The following RPS3 variants were observed in gnomAD, a reference collection of about 807,000 sequenced individuals.
RPS3 encodes the protein ribosomal protein S3.
RPS3 carries 2 observed loss-of-function variants against 25.8 expected under a neutral mutation model. The ratio of observed to expected loss-of-function variants is 0.08; its 90% CI spans 0.03 to 0.24. RPS3 has a LOEUF of 0.24. Ranked by LOEUF, RPS3 falls within the 10% of genes least tolerant of loss-of-function variation. The pLI is 1.00. For missense variants in RPS3, 107 were observed against 307.1 expected (o/e 0.35, Z 4.87); for synonymous variants, 114 against 114.2 (o/e 1.00, Z 0.01).
chr11:75,407,809 C>A (rs1948304138), downstream of RPS3, among the ~76,000 whole-genome samples: 1 of 152,204 alleles, frequency 6.6e-6, no homozygotes, highest in African/African-American at 2.4e-5. Flanking sequence ...TAAGACTGTA[C>A]TGTGCCGTAT....
intron 6 of RPS3, among the ~76,000 whole-genome samples, chr11:75,413,591 A>G (rs1948375079): frequency 6.6e-6 from 1 of 152,144 alleles, no homozygotes; most frequent in African/African-American, 2.4e-5. Flanking sequence ...CAGTCCATGT[A>G]TACACCACTG....
chr11:75,402,643 G>T, intron 4 of RPS3, 197 bp downstream of exon 4: 1 of 502,256 alleles, frequency 2.0e-6, no homozygotes, highest in Non-Finnish European at 3.5e-6. Flanking sequence ...AACTGTAAAG[G>T]GTGGTCAGTC....
At chr11:75,409,973 G>A (rs1948330647), downstream of RPS3, among the ~76,000 whole-genome samples, 1 of 134,474 alleles carries the variant, frequency 7.4e-6, no homozygotes, top group Non-Finnish European at 1.6e-5. Flanking sequence ...GGACGGGGCG[G>A]CTGGCCGGGC....
chr11:75,411,714 G>C (rs1948358136), downstream of RPS3, among the ~76,000 whole-genome samples: 1 of 152,216 alleles, frequency 6.6e-6, no homozygotes, highest in Non-Finnish European at 1.5e-5. Context: ...AGTGGGGAGG[G>C]AGAGTTGAAA....
intron 2 of RPS3, 63 bp from the exon 3 acceptor site, chr11:75,401,577 T>C: frequency 8.8e-7 from 1 of 1,142,234 alleles, no homozygotes; most frequent in Non-Finnish European, 1.3e-6. Flanking sequence ...CACACATATA[T>C]GCAAGATTTA....
At chr11:75,403,614 A>G (rs544960436) in intron 4 of RPS3, 1 of 156,522 alleles carries the variant, frequency 6.4e-6, no homozygotes, top group South Asian at 2.0e-4. Context: ...AAGGGACCAC[A>G]AAGTGGGTAA....
downstream of RPS3, among the ~76,000 whole-genome samples, chr11:75,410,158 G>T (rs573085515): frequency 1.3e-5 from 2 of 151,332 alleles, no homozygotes; most frequent in Non-Finnish European, 3.0e-5. Context: ...GGCTGGCCGG[G>T]CGGGGGGCTG....
chr11:75,410,147 C>T (rs1364533089), downstream of RPS3, among the ~76,000 whole-genome samples: 106 of 148,912 alleles, frequency 7.1e-4, no homozygotes, highest in African/African-American at 2.6e-3. Context: ...CCGGACGGGG[C>T]GGCTGGCCGG....
downstream of RPS3, among the ~76,000 whole-genome samples, chr11:75,407,423 C>T (rs933815402): frequency 1.3e-5 from 2 of 152,248 alleles, no homozygotes; most frequent in African/African-American, 4.8e-5. Flanking sequence ...CAGGCGTGAG[C>T]CACCGCACCC....
intron 6 of RPS3, among the ~76,000 whole-genome samples, chr11:75,419,298 A>G (rs1181144161): frequency 2.0e-5 from 3 of 152,168 alleles, no homozygotes. Context: ...TCATGCCTGT[A>G]ATCCCAGCAC....
chr11:75,411,264 G>A (rs867484370), downstream of RPS3, among the ~76,000 whole-genome samples: 1 of 151,774 alleles, frequency 6.6e-6, no homozygotes, highest in South Asian at 2.1e-4. Flanking sequence ...CTCCTTCCTC[G>A]GCCTCCCAAA....
downstream of RPS3, among the ~76,000 whole-genome samples, chr11:75,410,743 G>C (rs568875007): frequency 3.0e-4 from 45 of 152,352 alleles, no homozygotes; most frequent in South Asian, 1.2e-3. Flanking sequence ...CGGCACCTCG[G>C]GAGGCCGAGG....
intron 1 of RPS3, chr11:75,399,973 G>A: frequency 3.4e-6 from 1 of 291,544 alleles, no homozygotes. Context: ...GGTACAGTCC[G>A]CTGGCCCCAG....
Position 75,412,806 on chromosome 11 carries a change from T to G in RPS3, c.*3+7938T>G, listed in dbSNP as rs569038807. On this transcript the variant is annotated intron_variant, in intron 6 of 6. Coordinates refer to the RPS3 transcript ENST00000527446. ...TATTTATTTTTTCTGACACAGAGTC[T>G]CGCTCTATCGCCCAGGCTGGAGTGC... Among the ~76,000 whole-genome samples, 16 of 152,384 alleles carry G rather than the reference T, an allele frequency of 1.0e-4. No homozygotes were observed. In the South Asian group the frequency reaches 3.3e-3, roughly 32 times the overall value.
intron 6 of RPS3, among the ~76,000 whole-genome samples, chr11:75,421,544 A>G (rs1016261926): frequency 2.6e-5 from 4 of 152,122 alleles, no homozygotes; most frequent in African/African-American, 9.7e-5. Context: ...CCAGGCTTAT[A>G]ATGACATCAG....
chr11:75,417,980 AG>A (rs1457761571), intron 6 of RPS3, among the ~76,000 whole-genome samples: 5 of 152,246 alleles, frequency 3.3e-5, no homozygotes, highest in African/African-American at 1.2e-4. Flanking sequence ...ATCAAGATCT[AG>A]AGGCCAGGAA....
At chr11:75,411,254 C>T (rs1174185144), downstream of RPS3, among the ~76,000 whole-genome samples, 3 of 152,028 alleles carry the variant, frequency 2.0e-5, no homozygotes, top group Non-Finnish European at 4.4e-5. Context: ...TGAAATGATC[C>T]TCCTTCCTCG....
intron 6 of RPS3, 26 bp from the exon 7 acceptor site, chr11:75,405,588 T>C (rs775287596): frequency 2.2e-6 from 1 of 455,176 alleles, no homozygotes; most frequent in South Asian, 1.6e-5. Context: ...TAAAGTTTCT[T>C]ACTTTTGTGC....
chr11:75,402,998 T>G (rs1267710875), intron 4 of RPS3: 1 of 152,282 alleles, frequency 6.6e-6, no homozygotes, highest in East Asian at 1.9e-4. Context: ...TGCATGCAGA[T>G]AGTAGTAATG....
Sources: gnomAD v4.1 joint callset for allele counts (sites outside exome capture counted in the v4.1 genomes callset) on GRCh38, gnomAD v4.1.1 for gene constraint, MANE v1.5 for transcripts, NCBI Gene and HGNC (gene_info 2026-07-23, HGNC 2026-07-21) for gene names.